Variants in GLIS3 observed in about 807,000 individuals in gnomAD.
GLIS3 encodes zinc finger protein GLIS3.
Under a neutral mutation model 78.6 loss-of-function variants are expected in GLIS3, and 53 were observed. The ratio of observed to expected loss-of-function variants is 0.67; its 90% confidence interval spans 0.54 to 0.85. GLIS3 has a LOEUF of 0.85. GLIS3 is among the 40% of genes least tolerant of loss of function. GLIS3 has a pLI of 0.00. For synonymous variants in GLIS3, 684 were observed against 509.9 expected (o/e 1.34, Z -4.60); for missense variants, 1,703 against 1,231.1 (o/e 1.38, Z -5.74).
At chr9:4,431,487 G>A in the GLIS3 span, among the ~76,000 whole-genome samples, 1 of 152,244 alleles carries the variant, frequency 6.6e-6, no homozygotes, top group African/African-American at 2.4e-5. Context: ...CAGGGAGTCG[G>A]GATCTTTTCA....
the GLIS3 span, among the ~76,000 whole-genome samples, chr9:4,434,273 C>G: frequency 6.6e-6 from 1 of 152,134 alleles, no homozygotes; most frequent in Non-Finnish European, 1.5e-5. Context: ...AGATGCTCTA[C>G]TGGTGTTAGT....
intron 4 of GLIS3, among the ~76,000 whole-genome samples, chr9:3,995,610 G>A (rs1255031441): frequency 6.6e-6 from 1 of 151,788 alleles, no homozygotes; most frequent in Non-Finnish European, 1.5e-5. Context: ...AATTGACCAA[G>A]AAGTTTTAAA....
chr9:3,828,448 C>T (rs1432799733), intron 10 of GLIS3, 40 bp from the exon 11 acceptor site: 1 of 1,610,158 alleles, frequency 6.2e-7, no homozygotes, highest in South Asian at 1.1e-5. Context: ...TAACTCCTGC[C>T]CCATGCCACG....
At position 4,117,989 on chromosome 9, in the gene GLIS3, C is replaced by T. The variant is rs769890708; in HGVS notation, c.1489G>A (p.Gly497Arg). 1.9e-6 allele frequency: 3 copies of T among 1,611,488 alleles called. No individual in the cohort carries two copies. Among genetic ancestry groups the T allele is most frequent in the Non-Finnish European group, 8.5e-7 (1 of 1,179,150 alleles). ...LDDDGEMDGI[G>R]GKHCCRWIDC... ...ATCCAGCGGCAGCAATGCTTGCCCC[C>T]GATGCCGTCCATCTCCCCGTCGTCG... Residue 497 changes from glycine to arginine, a missense_variant, in exon 4 of 11, where the codon GGG (glycine) becomes AGG (arginine). Coordinates refer to ENST00000381971, the MANE Select transcript of GLIS3 (RefSeq NM_001042413.2).
At chr9:4,431,216 G>C in the GLIS3 span, among the ~76,000 whole-genome samples, 1 of 152,070 alleles carries the variant, frequency 6.6e-6, no homozygotes, top group Non-Finnish European at 1.5e-5. Context: ...ATTTTAAAAG[G>C]CCTTTGATGC....
chr9:3,905,111 T>C (rs565110565), intron 6 of GLIS3, among the ~76,000 whole-genome samples: 1 of 151,200 alleles, frequency 6.6e-6, no homozygotes, highest in Non-Finnish European at 1.5e-5. Flanking sequence ...TAGCTGGGAC[T>C]ATAGGCGCCT....
chr9:3,896,792 AC>A (rs1377552562), intron 7 of GLIS3, among the ~76,000 whole-genome samples: 2 of 152,144 alleles, frequency 1.3e-5, no homozygotes, highest in Non-Finnish European at 2.9e-5. Flanking sequence ...CTCAAGAGTT[AC>A]GGAAAATGTG....
chr9:3,997,684 A>C (rs895230171), intron 4 of GLIS3, among the ~76,000 whole-genome samples: 7 of 152,114 alleles, frequency 4.6e-5, no homozygotes, highest in Admixed American at 2.6e-4. Flanking sequence ...AATAAAAAAA[A>C]ATAGCAAACT....
intron 7 of GLIS3, among the ~76,000 whole-genome samples, chr9:3,893,759 T>C (rs990623849): frequency 1.3e-5 from 2 of 152,242 alleles, no homozygotes; most frequent in African/African-American, 4.8e-5. Flanking sequence ...TAGAACTGTC[T>C]GGCACAAATT....
chr9:4,454,855 A>G, the GLIS3 span, among the ~76,000 whole-genome samples: 3 of 152,162 alleles, frequency 2.0e-5, no homozygotes, highest in African/African-American at 7.2e-5. Flanking sequence ...GGATCTCACA[A>G]ATTTGAAGAA....
rs60580716 is a variant in GLIS3 at position 4,033,737 on chromosome 9, G to A, written c.1710+84031C>T. Among the ~76,000 whole-genome samples, 420 of 152,074 alleles carry A rather than the reference G, an allele frequency of 2.8e-3. 13 individuals are homozygous for A. In the East Asian group the frequency reaches 0.07, roughly 25 times the overall value. ...ACCTATTTTGTCCAAATCAAAGGGC[G>A]ATGCTGTATACAGAGACTACTAACT... On this transcript the variant is annotated intron_variant, in intron 4 of 10. Transcript: ENST00000381971.
chr9:4,034,638 A>G (rs1220666288), intron 4 of GLIS3: 1 of 152,154 alleles, frequency 6.6e-6, no homozygotes, highest in East Asian at 1.9e-4. Context: ...TGCCACATTT[A>G]CAAGTCTTCA....
intron 2 of GLIS3, among the ~76,000 whole-genome samples, chr9:4,209,142 A>G (rs1820148075): frequency 6.6e-6 from 1 of 152,174 alleles, no homozygotes; most frequent in Non-Finnish European, 1.5e-5. Flanking sequence ...ATGGACGCTC[A>G]TGCACCACTC....
intron 2 of GLIS3, among the ~76,000 whole-genome samples, chr9:4,224,392 G>T (rs75977320): frequency 9.2e-5 from 14 of 152,344 alleles, no homozygotes; most frequent in African/African-American, 3.1e-4. Context: ...AAAGGTGTAT[G>T]AATGTTTACC....
intron 4 of GLIS3, among the ~76,000 whole-genome samples, chr9:4,060,077 T>C (rs866991514): frequency 3.3e-5 from 5 of 152,050 alleles, no homozygotes; most frequent in African/African-American, 7.2e-5. Flanking sequence ...GGTCAACTCA[T>C]GTGAGCCCAT....
At chr9:4,010,617 C>G (rs967481608) in intron 4 of GLIS3, among the ~76,000 whole-genome samples, 1 of 152,182 alleles carries the variant, frequency 6.6e-6, no homozygotes, top group Non-Finnish European at 1.5e-5. Context: ...TCCAGACTTT[C>G]CCGTGAAAAT....
chr9:4,127,126 C>A (rs1048373328), intron 2 of GLIS3, among the ~76,000 whole-genome samples: 1 of 152,156 alleles, frequency 6.6e-6, no homozygotes, highest in Non-Finnish European at 1.5e-5. Context: ...GCAGCCCTAT[C>A]TCAAAAATGC....
intron 4 of GLIS3, among the ~76,000 whole-genome samples, chr9:4,053,256 T>C (rs1825866973): frequency 6.6e-6 from 1 of 152,186 alleles, no homozygotes; most frequent in South Asian, 2.1e-4. Flanking sequence ...GCCTCATGTT[T>C]AATTTTATAA....
chr9:4,375,183 A>G, the GLIS3 span, among the ~76,000 whole-genome samples: 1 of 152,194 alleles, frequency 6.6e-6, no homozygotes, highest in African/African-American at 2.4e-5. Flanking sequence ...GACCTCCTAT[A>G]ATCAGCCTCG....
Sources: allele counts gnomAD v4.1 joint callset (sites outside exome capture counted in the v4.1 genomes callset), GRCh38; gene constraint gnomAD v4.1.1; transcripts MANE v1.5; gene names NCBI Gene and HGNC (gene_info 2026-07-23, HGNC 2026-07-21).